Variants in DOCK3 observed in about 807,000 individuals in gnomAD.
The protein encoded by DOCK3 is dedicator of cytokinesis protein 3.
DOCK3 carries 60 observed loss-of-function variants against 265.6 expected under a neutral mutation model. The observed-to-expected ratio is 0.23, with a 90% CI of 0.18 to 0.28. DOCK3 has a LOEUF of 0.28. Among genes scored for constraint, DOCK3 ranks in the 10% least tolerant of loss-of-function variants. The pLI, the probability that DOCK3 is intolerant of heterozygous loss-of-function variation, is 1.00. For missense variants in DOCK3, 1,981 were observed against 2,594.3 expected, an observed-to-expected ratio of 0.76 and a Z score of 5.14; for synonymous variants, 881 against 938.0, an observed-to-expected ratio of 0.94 and a Z score of 1.11.
At chr3:51,362,501 T>C in intron 48 of DOCK3, 26 bp from the exon 49 acceptor site, 1 of 1,608,944 alleles carries the variant, frequency 6.2e-7, no homozygotes, top group Non-Finnish European at 8.5e-7. Flanking sequence ...CAGACCTCTA[T>C]CCTGCTGATT....
intron 1 of DOCK3, among the ~76,000 whole-genome samples, chr3:50,773,409 A>C (rs1439937190): frequency 6.6e-6 from 1 of 152,146 alleles, no homozygotes; most frequent in East Asian, 1.9e-4. Flanking sequence ...CCAATGTAGA[A>C]GGAAGATAGT....
chr3:50,979,958 GC>G (rs1051267836), intron 5 of DOCK3, among the ~76,000 whole-genome samples: 14 of 151,970 alleles, frequency 9.2e-5, no homozygotes, highest in African/African-American at 3.1e-4. Context: ...TCTTTCTCTT[GC>G]CTGATTACTC....
intron 3 of DOCK3, among the ~76,000 whole-genome samples, chr3:50,886,211 C>A (rs2048330351): frequency 2.4e-5 from 3 of 124,360 alleles, no homozygotes; most frequent in African/African-American, 5.5e-5. Flanking sequence ...TATATATATT[C>A]CAGAGTTTTT....
intron 9 of DOCK3, among the ~76,000 whole-genome samples, chr3:51,107,779 A>G (rs1261412480): frequency 6.6e-6 from 1 of 152,220 alleles, no homozygotes; most frequent in Non-Finnish European, 1.5e-5. Flanking sequence ...TATATCATCC[A>G]TGAGAACTTC....
chr3:51,071,382 T>C (rs150455234), intron 6 of DOCK3, among the ~76,000 whole-genome samples: 7 of 152,310 alleles, frequency 4.6e-5, no homozygotes, highest in South Asian at 2.1e-4. Context: ...GTAGGACCAT[T>C]TGTGAAAACT....
intron 27 of DOCK3, among the ~76,000 whole-genome samples, chr3:51,304,185 G>A (rs1002039214): frequency 2.0e-5 from 3 of 152,150 alleles, no homozygotes; most frequent in African/African-American, 7.2e-5. Context: ...TAAAGTGGCA[G>A]CCTGGCCACA....
At chr3:50,970,747 A>C (rs931456986) in intron 5 of DOCK3, among the ~76,000 whole-genome samples, 8 of 146,780 alleles carry the variant, frequency 5.5e-5, no homozygotes, top group African/African-American at 1.7e-4. Context: ...TTTAATTTAA[A>C]ACAGGGTATC....
chr3:51,129,039 C>T (rs1235220430), intron 9 of DOCK3, among the ~76,000 whole-genome samples: 5 of 152,214 alleles, frequency 3.3e-5, no homozygotes, highest in Admixed American at 3.3e-4. Flanking sequence ...GAGGTCCATC[C>T]ACATACCTCT....
intron 32 of DOCK3, among the ~76,000 whole-genome samples, chr3:51,322,800 C>A (rs1355603154): frequency 2.6e-5 from 4 of 152,056 alleles, no homozygotes; most frequent in African/African-American, 9.7e-5. Flanking sequence ...TCACACATAA[C>A]AATATTAACC....
chr3:51,011,767 G>A (rs2108771712), intron 5 of DOCK3, among the ~76,000 whole-genome samples: 1 of 152,184 alleles, frequency 6.6e-6, no homozygotes, highest in East Asian at 1.9e-4. Flanking sequence ...ACCTACCTTT[G>A]GTCTTTGATG....
chr3:50,819,479 G>A (rs921526748), intron 2 of DOCK3, among the ~76,000 whole-genome samples: 2 of 152,150 alleles, frequency 1.3e-5, no homozygotes, highest in Non-Finnish European at 2.9e-5. Flanking sequence ...ATTAGCCAAA[G>A]TTTTAAGAAT....
intron 1 of DOCK3, among the ~76,000 whole-genome samples, chr3:50,745,118 A>G (rs2108265010): frequency 6.6e-6 from 1 of 152,030 alleles, no homozygotes; most frequent in South Asian, 2.1e-4. Context: ...TTTTATTTTT[A>G]TTAGTTTTTT....
chr3:50,977,222 C>A (rs1215133437), intron 5 of DOCK3, among the ~76,000 whole-genome samples: 2 of 151,658 alleles, frequency 1.3e-5, no homozygotes, highest in Admixed American at 6.6e-5. Flanking sequence ...TTAGTTGATG[C>A]AGTTTCTTCC....
chr3:51,356,138 G>A lies in DOCK3; in HGVS notation c.4299G>A (p.Leu1433=). The change falls in exon 42 of 53, where the codon CTG becomes CTA. Residue 1433 remains leucine (L), a synonymous_variant. Transcript: ENST00000266037. ...VTPIPDYVDV[L]QMDRVPDRVK... ...CCATTCCAGATTATGTGGATGTTCT[G>A]CAGATGGATAGGGTACCAGATCGAG... 1 of 1,613,992 alleles carries A rather than the reference G, an allele frequency of 6.2e-7. No individual in the cohort carries two copies. Among genetic ancestry groups the A allele is most frequent in the Non-Finnish European group, 8.5e-7 (1 of 1,179,894 alleles).
chr3:50,914,168 T>C (rs1327040528), intron 4 of DOCK3, among the ~76,000 whole-genome samples: 1 of 151,988 alleles, frequency 6.6e-6, no homozygotes, highest in Non-Finnish European at 1.5e-5. Context: ...TTGTGGCTCT[T>C]TGTATTTTTT....
intron 5 of DOCK3, among the ~76,000 whole-genome samples, chr3:51,009,044 A>G (rs528042347): frequency 6.6e-6 from 1 of 152,176 alleles, no homozygotes; most frequent in African/African-American, 2.4e-5. Flanking sequence ...GGATTTTCAC[A>G]TCAGTGTTCA....
intron 4 of DOCK3, among the ~76,000 whole-genome samples, chr3:50,905,243 G>A (rs2049421458): frequency 6.6e-6 from 1 of 152,040 alleles, no homozygotes; most frequent in Admixed American, 6.6e-5. Context: ...TTGGCAATGT[G>A]GGCCCTTTTT....
In DOCK3 at chr3:51,277,773, G is replaced by A. The variant is rs1399478080; in HGVS notation, c.2823+19G>A. The A allele has an allele frequency of 6.2e-7, 1 of 1,604,656 alleles. No individual in the cohort carries two copies. The highest frequency in any genetic ancestry group is 1.3e-5 in the African/African-American group (1 of 74,856). On this transcript the variant is annotated intron_variant, in intron 26 of 52. Transcript: ENST00000266037. ...GATCACTGTTAGTAACTAACATCCA[G>A]GTTTTCTTGCCTTCTTTTCTAACCC...
At position 51,150,617 on chromosome 3, in the gene DOCK3, A is replaced by G. The variant is rs184161184; in HGVS notation, c.828+3987A>G. On this transcript the variant is annotated intron_variant, in intron 10 of 52. Coordinates refer to ENST00000266037, the MANE Select transcript of DOCK3 (RefSeq NM_004947.5). ...TAACCCAGTAGTCATTCAGGAGCAGATTGTTCAGTTTCCATGTAGTTGAGC... is the reference window on the plus strand; with the variant it reads ...TAACCCAGTAGTCATTCAGGAGCAGGTTGTTCAGTTTCCATGTAGTTGAGC... Among the ~76,000 whole-genome samples the G allele has an allele frequency of 8.6e-5, 13 of 151,886 alleles. No homozygotes were observed. The East Asian group carries it at 1.7e-3, about 20-fold the overall frequency.
Sources: gnomAD v4.1 joint callset for allele counts (sites outside exome capture counted in the v4.1 genomes callset) on GRCh38, gnomAD v4.1.1 for gene constraint, MANE v1.5 for transcripts, NCBI Gene and HGNC (gene_info 2026-07-23, HGNC 2026-07-21) for gene names.